Variants in PAPSS2 observed in about 807,000 individuals in gnomAD.
PAPSS2 encodes 3'-phosphoadenosine 5'-phosphosulfate synthase 2.
PAPSS2 carries 61 observed loss-of-function variants against 66.5 expected under a neutral mutation model. The ratio of observed to expected loss-of-function variants is 0.92; its 90% confidence interval spans 0.75 to 1.14. The LOEUF (loss-of-function observed/expected upper bound fraction) is 1.14. Among genes scored for constraint, PAPSS2 ranks in the 50% most tolerant of loss-of-function variants. The pLI is 0.00. For missense variants in PAPSS2, 708 were observed against 789.6 expected, an observed-to-expected ratio of 0.90 and a Z score of 1.24; for synonymous variants, 289 against 287.5, an observed-to-expected ratio of 1.01 and a Z score of -0.05.
rs1238283438 is a variant in PAPSS2 at position 87,719,084 on chromosome 10, CT to C, written c.866-2671del. Among the ~76,000 whole-genome samples the C allele has an allele frequency of 4.6e-5, 7 of 152,318 alleles. No individual in the cohort carries two copies. In the East Asian group the frequency reaches 1.3e-3, roughly 29 times the overall value. On this transcript the variant is annotated intron_variant, in intron 7 of 12. Coordinates refer to ENST00000456849, the MANE Select transcript of PAPSS2 (RefSeq NM_001015880.2). ...CCCCAGTTATGATCAGGATTCTGAG[CT>C]CTGCACAGCCCACAGAAGCATCCTA...
chr10:87,720,988 AG>A (rs1853592460), intron 7 of PAPSS2, among the ~76,000 whole-genome samples: 1 of 152,190 alleles, frequency 6.6e-6, no homozygotes, highest in African/African-American at 2.4e-5. Context: ...GGATCAAGAC[AG>A]GGGAGCCTTG....
At chr10:87,661,520 A>G (rs1564705324) in intron 1 of PAPSS2, among the ~76,000 whole-genome samples, 1 of 152,190 alleles carries the variant, frequency 6.6e-6, no homozygotes, top group East Asian at 1.9e-4. Flanking sequence ...TGGGGTTTTA[A>G]TTCCCACCTT....
At chr10:87,714,718 G>A (rs758357007) in intron 4 of PAPSS2, 27 bp from the exon 5 acceptor site, 36 of 1,204,090 alleles carry the variant, frequency 3.0e-5, no homozygotes, top group South Asian at 4.8e-5. Flanking sequence ...ATACAGATGC[G>A]ATGATTGTCA....
chr10:87,673,034 C>T (rs1045955829), intron 1 of PAPSS2, among the ~76,000 whole-genome samples: 1 of 152,078 alleles, frequency 6.6e-6, no homozygotes, highest in African/African-American at 2.4e-5. Flanking sequence ...ACTGTCTGAT[C>T]CTTTAAGAAA....
At chr10:87,660,039 G>C (rs1196687821) in intron 1 of PAPSS2, 31 bp downstream of exon 1, 6 of 1,602,912 alleles carry the variant, frequency 3.7e-6, no homozygotes, top group Middle Eastern at 3.4e-4. Context: ...TTCCCTCCCC[G>C]CCACCGCACT....
At chr10:87,675,520 TA>T (rs3837328) in intron 1 of PAPSS2, among the ~76,000 whole-genome samples, 51,941 of 152,090 alleles carry the variant, frequency 0.34, 9,631 homozygotes, top group East Asian at 0.44. Context: ...TATTCATGTA[TA>T]GGGGGGCCAA....
intron 8 of PAPSS2, among the ~76,000 whole-genome samples, chr10:87,725,003 G>A (rs746594970): frequency 1.3e-5 from 2 of 151,734 alleles, no homozygotes; most frequent in Non-Finnish European, 2.9e-5. Flanking sequence ...GCGGTCTGCT[G>A]GCATAATTCT....
At chr10:87,741,156 T>C (rs1853863490) in intron 9 of PAPSS2, 79 bp from the exon 10 acceptor site, 1 of 1,397,108 alleles carries the variant, frequency 7.2e-7, no homozygotes, top group Non-Finnish European at 1.0e-6. Context: ...AACCCGAGAT[T>C]GGTCTAAAAG....
intron 1 of PAPSS2, among the ~76,000 whole-genome samples, chr10:87,682,346 T>C (rs1853032736): frequency 6.6e-6 from 1 of 152,204 alleles, no homozygotes; most frequent in African/African-American, 2.4e-5. Flanking sequence ...TGAGGCTGAT[T>C]TTTCCAGATG....
chr10:87,721,100 A>G (rs1020678213), intron 7 of PAPSS2, among the ~76,000 whole-genome samples: 13 of 152,196 alleles, frequency 8.5e-5, no homozygotes, highest in Non-Finnish European at 1.5e-4. Context: ...TTGAGCACCA[A>G]TTGTGTTCTG....
rs145216179 is a variant in PAPSS2, at chr10:87,737,560, G to A, written c.1087-3675G>A. The stretch of plus-strand genomic sequence containing the variant: ...CCCGCGGTCAGGCATGGTGGCTCAC[G>A]CTTGTAATCCCAACACTTTGGAAGG... On this transcript the variant is annotated intron_variant, in intron 9 of 12. Coordinates refer to ENST00000456849, the MANE Select transcript of PAPSS2 (RefSeq NM_001015880.2). 7.2e-5 allele frequency among the ~76,000 whole-genome samples: 11 copies of A among 152,150 alleles called. No homozygotes were observed. The South Asian group carries it at 8.3e-4, about 11-fold the overall frequency.
chr10:87,683,254 A>C (rs1853046718), intron 1 of PAPSS2, among the ~76,000 whole-genome samples: 1 of 151,758 alleles, frequency 6.6e-6, no homozygotes, highest in South Asian at 2.1e-4. Context: ...CACCTCACCC[A>C]GTGAATTTTT....
chr10:87,660,122 G>A, intron 1 of PAPSS2, 114 bp downstream of exon 1: 1 of 1,054,340 alleles, frequency 9.5e-7, no homozygotes, highest in Non-Finnish European at 1.4e-6. Flanking sequence ...GCGTCGGGAG[G>A]AGGAGTAAGA....
chr10:87,676,319 T>A (rs961755637), intron 1 of PAPSS2, among the ~76,000 whole-genome samples: 2 of 152,344 alleles, frequency 1.3e-5, no homozygotes, highest in Non-Finnish European at 2.9e-5. Context: ...GAACTTTGTA[T>A]GTTCCAGTAG....
chr10:87,734,696 T>C (rs895970717), intron 9 of PAPSS2, among the ~76,000 whole-genome samples: 16 of 134,898 alleles, frequency 1.2e-4, no homozygotes, highest in Middle Eastern at 3.5e-3. Flanking sequence ...TATATATATA[T>C]ATATATATAT....
At chr10:87,703,616 T>C (rs1376512922) in intron 1 of PAPSS2, 1 of 445,728 alleles carries the variant, frequency 2.2e-6, no homozygotes, top group African/African-American at 2.0e-5. Context: ...ATAAGGAGGT[T>C]CAGAGATGTT....
intron 1 of PAPSS2, among the ~76,000 whole-genome samples, chr10:87,707,559 TTTTTC>T (rs1189513202): frequency 1.4e-5 from 2 of 142,808 alleles, no homozygotes; most frequent in East Asian, 4.1e-4. Flanking sequence ...TCATTTCTTT[TTTTTC>T]TTTTTTTTTT....
At chr10:87,683,089 TTTTTC>T (rs1368052221) in intron 1 of PAPSS2, among the ~76,000 whole-genome samples, 2 of 123,802 alleles carry the variant, frequency 1.6e-5, no homozygotes, top group African/African-American at 6.2e-5. Context: ...TCCTTTTTCT[TTTTTC>T]TTTTTTTTTT....
In PAPSS2 at chr10:87,660,460, C is replaced by T. The variant is rs146143044; in HGVS notation, c.27+452C>T. On this transcript the variant is annotated intron_variant, in intron 1 of 12. Transcript: ENST00000456849. The stretch of plus-strand genomic sequence containing the variant: ...ACTTCCTTGGAGTGGGCTTTAATGA[C>T]GGACTTTCATAGAGGAAACTGCAAT... 334 of 206,936 alleles carry T rather than the reference C, an allele frequency of 1.6e-3. 2 individuals carry two copies. The highest frequency in any genetic ancestry group is 9.5e-3 in the South Asian group (93 of 9,768). The allele number at this position is 206,936 out of a possible 1,614,324, so 12.8% of individuals were successfully genotyped here.
Sources: allele counts gnomAD v4.1 joint callset (sites outside exome capture counted in the v4.1 genomes callset), GRCh38; gene constraint gnomAD v4.1.1; transcripts MANE v1.5; gene names NCBI Gene and HGNC (gene_info 2026-07-23, HGNC 2026-07-21).